Variants in PRXL2A observed in about 807,000 individuals in gnomAD.
The protein encoded by PRXL2A is peroxiredoxin-like 2A.
Under a neutral mutation model 25.6 loss-of-function variants are expected in PRXL2A, and 26 were observed. That is an observed-to-expected ratio of 1.02 (90% CI 0.74 to 1.41). The LOEUF (loss-of-function observed/expected upper bound fraction) is 1.41, where lower values mean the gene tolerates loss of function less well. PRXL2A is among the 40% of genes most tolerant of loss of function. The pLI is 0.00. For synonymous variants in PRXL2A, 98 were observed against 102.9 expected (o/e 0.95, Z 0.29); for missense variants, 246 against 273.9 (o/e 0.90, Z 0.72).
intron 2 of PRXL2A, among the ~76,000 whole-genome samples, chr10:80,421,517 G>C (rs1041452791): frequency 2.6e-5 from 4 of 152,170 alleles, no homozygotes; most frequent in Non-Finnish European, 4.4e-5. Flanking sequence ...GCAGGAGATT[G>C]TGCAGGTTTA....
rs1176036096 is a variant in PRXL2A at position 80,432,152 on chromosome 10, T to C, written c.*53T>C. 4 of 1,068,050 alleles carry C rather than the reference T, an allele frequency of 3.7e-6. No individual in the cohort carries two copies. Among genetic ancestry groups the C allele is most frequent in the Non-Finnish European group, 5.7e-6 (4 of 703,764 alleles). 66.2% of individuals were successfully genotyped at this position (1,068,050 alleles called of 1,614,324 possible). A position where few individuals can be genotyped will look rare whatever the true frequency, so the allele number is the denominator to read the frequency against. ...AACCAGGGACATTCACCTGTGTTCA[T>C]GGGATGTATTGTTTCCACTCGTGTC... On this transcript the variant is annotated 3_prime_UTR_variant, in exon 6 of 6. Transcript: ENST00000606162.
In PRXL2A at chr10:80,413,908, T is replaced by C. The variant is rs113578157; in HGVS notation, c.-3+5265T>C. The C allele has an allele frequency of 4.4e-3, 5,350 of 1,217,734 alleles. 191 individuals carry two copies. In the African/African-American group the frequency reaches 0.075, roughly 17 times the overall value. 75.4% of individuals were successfully genotyped at this position (1,217,734 alleles called of 1,614,324 possible). A position where few individuals can be genotyped will look rare whatever the true frequency, so the allele number is the denominator to read the frequency against. On this transcript the variant is annotated intron_variant, in intron 1 of 5. Coordinates refer to ENST00000606162, the MANE Select transcript of PRXL2A (RefSeq NM_032333.5). ...GCCTTGTTCCCAAGTTTGAAGCGTC[T>C]GAGGTTGGGGGTAAGAGACCGTTTG...
intron 1 of PRXL2A, among the ~76,000 whole-genome samples, chr10:80,411,654 A>G (rs1049581920): frequency 6.6e-6 from 1 of 152,204 alleles, no homozygotes; most frequent in Admixed American, 6.5e-5. Flanking sequence ...TTGCTCAGTA[A>G]AATGAGCTGA....
chr10:80,409,564 G>A (rs1020586090), intron 1 of PRXL2A, among the ~76,000 whole-genome samples: 1 of 152,166 alleles, frequency 6.6e-6, no homozygotes, highest in African/African-American at 2.4e-5. Context: ...AAATAATCAA[G>A]ATTTGTTTTG....
chr10:80,414,179 C>G (rs964842758), intron 1 of PRXL2A, among the ~76,000 whole-genome samples: 26 of 152,302 alleles, frequency 1.7e-4, no homozygotes, highest in African/African-American at 6.3e-4. Flanking sequence ...TCCTCTTGCA[C>G]CCATGTTCAG....
intron 2 of PRXL2A, among the ~76,000 whole-genome samples, chr10:80,421,264 T>G (rs1844853119): frequency 6.6e-6 from 1 of 152,200 alleles, no homozygotes; most frequent in Non-Finnish European, 1.5e-5. Context: ...CTCCCTCTTC[T>G]GGGGGACTGC....
Position 80,425,938 on chromosome 10 carries a change from G to A in PRXL2A, c.343G>A (p.Glu115Lys). ...CGTCCCCCTCTATGCAGTGGTAAAG[G>A]AGCACATCAGGACTGAAGTGAAGGA... ...LGVPLYAVVKEHIRTEVKDFQ... is the reference protein window; with the variant it reads ...LGVPLYAVVKKHIRTEVKDFQ... Residue 115 changes from glutamate (E) to lysine (K), a missense_variant, in exon 4 of 6, where the codon GAG becomes AAG. Transcript: ENST00000606162. The A allele has an allele frequency of 1.2e-6, 2 of 1,614,202 alleles. No homozygotes were observed. Among genetic ancestry groups the A allele is most frequent in the Non-Finnish European group, 8.5e-7 (1 of 1,180,008 alleles).
chr10:80,418,648 C>G (rs1011120315), intron 1 of PRXL2A, among the ~76,000 whole-genome samples: 5 of 152,294 alleles, frequency 3.3e-5, no homozygotes, highest in Admixed American at 6.5e-5. Flanking sequence ...CAGGCCTATT[C>G]CCGGTGATCT....
chr10:80,414,644 T>C (rs1844591926), intron 1 of PRXL2A, among the ~76,000 whole-genome samples: 1 of 152,230 alleles, frequency 6.6e-6, no homozygotes, highest in Non-Finnish European at 1.5e-5. Flanking sequence ...CTTTCAGGCT[T>C]TGGAGTCCTA....
chr10:80,411,312 T>C (rs1443879457), intron 1 of PRXL2A, among the ~76,000 whole-genome samples: 1 of 152,234 alleles, frequency 6.6e-6, no homozygotes, highest in African/African-American at 2.4e-5. Flanking sequence ...AGGATTGGGC[T>C]TGGGAGAGGC....
chr10:80,422,915 G>A (rs1015216182), intron 3 of PRXL2A, among the ~76,000 whole-genome samples: 1 of 152,162 alleles, frequency 6.6e-6, no homozygotes, highest in Non-Finnish European at 1.5e-5. Context: ...TGCAGTGTCG[G>A]AGGAAACACT....
chr10:80,410,745 C>T (rs1177183197), intron 1 of PRXL2A, among the ~76,000 whole-genome samples: 1 of 152,202 alleles, frequency 6.6e-6, no homozygotes, highest in South Asian at 2.1e-4. Context: ...AGCCCAGTGT[C>T]TTCTGTGGTA....
intron 5 of PRXL2A, among the ~76,000 whole-genome samples, chr10:80,428,576 G>A (rs1845130924): frequency 6.6e-6 from 1 of 151,892 alleles, no homozygotes; most frequent in South Asian, 2.1e-4. Flanking sequence ...GGCTGAGGCA[G>A]GAGATTTGCT....
chr10:80,423,828 C>T (rs1161491267), intron 3 of PRXL2A, among the ~76,000 whole-genome samples: 1 of 152,244 alleles, frequency 6.6e-6, no homozygotes, highest in East Asian at 1.9e-4. Context: ...ACAGATTTAT[C>T]TTGTAGTTCT....
At chr10:80,419,371 G>A (rs1275486772) in intron 1 of PRXL2A, among the ~76,000 whole-genome samples, 6 of 127,066 alleles carry the variant, frequency 4.7e-5, no homozygotes, top group East Asian at 2.4e-4. Context: ...GCAATGGCAC[G>A]ATCTCGGCTC....
rs1156581918 is a variant in PRXL2A at position 80,420,474 on chromosome 10, T to G, written c.7T>G (p.Phe3Val). The change falls in exon 2 of 6, where the codon TTC becomes GTC. Residue 3 changes from phenylalanine (F) to valine (V), a missense_variant. Phe to Val is a conservative substitution (Grantham distance 50, BLOSUM62 -1). Transcript: ENST00000606162. Reference protein sequence around the residue: MSFLQDPSFFTMG... With the variant: MSVLQDPSFFTMG... ...TTCTTCTCAATCTCCAGAAATGTCT[T>G]TCCTCCAGGACCCAAGTTTCTTCAC... 6.3e-7 allele frequency: 1 copy of G among 1,579,344 alleles called. No individual in the cohort carries two copies. The highest frequency in any genetic ancestry group is 1.2e-5 in the South Asian group (1 of 86,398).
At chr10:80,414,255 C>T (rs1844573282) in intron 1 of PRXL2A, among the ~76,000 whole-genome samples, 1 of 152,192 alleles carries the variant, frequency 6.6e-6, no homozygotes, top group Non-Finnish European at 1.5e-5. Context: ...ACTTCACCTT[C>T]TGTGGGAGAG....
Position 80,422,401 on chromosome 10 carries a change from T to C in PRXL2A, c.179-16T>C. The C allele has an allele frequency of 6.2e-7, 1 of 1,608,748 alleles. No homozygotes were observed. Among genetic ancestry groups the C allele is most frequent in the South Asian group, 1.1e-5 (1 of 90,938 alleles). Reference sequence around the variant, plus strand: ...GGCTGGGAGGAGATATCGAATTTCTTTTTTTCCTCTCTTAGAACCAAGGAC... The same window carrying C: ...GGCTGGGAGGAGATATCGAATTTCTCTTTTTCCTCTCTTAGAACCAAGGAC... On this transcript the variant is annotated splice_polypyrimidine_tract_variant and intron_variant, in intron 2 of 5. Coordinates refer to ENST00000606162, the MANE Select transcript of PRXL2A (RefSeq NM_032333.5).
chr10:80,416,384 G>C (rs1589553199), intron 1 of PRXL2A, among the ~76,000 whole-genome samples: 4 of 152,336 alleles, frequency 2.6e-5, no homozygotes, highest in Admixed American at 2.6e-4. Context: ...CACCAAAGGA[G>C]AGAAATCTGA....
Sources: allele counts gnomAD v4.1 joint callset (sites outside exome capture counted in the v4.1 genomes callset), GRCh38; gene constraint gnomAD v4.1.1; transcripts MANE v1.5; gene names NCBI Gene and HGNC (gene_info 2026-07-23, HGNC 2026-07-21).